Variants in PSMD1 observed in about 807,000 individuals in gnomAD.
The protein encoded by PSMD1 is proteasome 26S subunit, non-ATPase 1.
In PSMD1, 18 loss-of-function variants were observed where a neutral mutation model predicts 119.0. The observed-to-expected ratio is 0.15, with a 90% CI of 0.10 to 0.22. PSMD1 has a LOEUF of 0.22. PSMD1 is among the 10% of genes least tolerant of loss of function. The pLI is 1.00. For missense variants in PSMD1, 702 were observed against 1,158.5 expected (o/e 0.61, Z 5.72); for synonymous variants, 374 against 396.6 (o/e 0.94, Z 0.68).
chr2:231,061,206 T>A, intron 1 of PSMD1, 61 bp from the exon 2 acceptor site: 1 of 1,325,796 alleles, frequency 7.5e-7, no homozygotes, highest in South Asian at 1.3e-5. Context: ...TTTGACCAGG[T>A]GTTAATTTCC....
At chr2:231,079,749 G>A in intron 11 of PSMD1, 135 bp downstream of exon 11, 1 of 561,332 alleles carries the variant, frequency 1.8e-6, no homozygotes, top group Middle Eastern at 4.3e-4. Context: ...TGTGGAGAAG[G>A]CTAAAGTAAA....
chr2:231,116,397 A>G (rs965528353), intron 16 of PSMD1, among the ~76,000 whole-genome samples: 2 of 152,140 alleles, frequency 1.3e-5, no homozygotes, highest in Non-Finnish European at 1.5e-5. Flanking sequence ...GTTATATCTT[A>G]GATTTCCTTC....
chr2:231,099,683 C>G (rs1341046200), intron 16 of PSMD1, among the ~76,000 whole-genome samples: 3 of 152,140 alleles, frequency 2.0e-5, no homozygotes, highest in African/African-American at 7.2e-5. Flanking sequence ...AATTTCCCCA[C>G]TGGAAATGTC....
chr2:231,123,692 G>C (rs761955519), intron 16 of PSMD1: 1 of 1,614,084 alleles, frequency 6.2e-7, no homozygotes, highest in Admixed American at 1.7e-5. Flanking sequence ...GAGATAACGT[G>C]AACAAAGGTG....
rs573276125 is a variant in PSMD1, at chr2:231,106,319, G to C, written c.1883+19138G>C. On this transcript the variant is annotated intron_variant, in intron 16 of 24. Coordinates refer to ENST00000308696, the MANE Select transcript of PSMD1 (RefSeq NM_002807.4). ...TCTCATTAACTATAGAAAGATCTCT[G>C]GGTTAATTGTAAGCAAGAGCTAGAC... 3.9e-5 allele frequency among the ~76,000 whole-genome samples: 6 copies of C among 152,220 alleles called. No individual in the cohort carries two copies. In the South Asian group the frequency reaches 1.2e-3, roughly 32 times the overall value.
rs150858671 is a variant in PSMD1, at chr2:231,070,117, A to T, written c.603A>T (p.Leu201=). The change falls in exon 6 of 25, where the codon CTA becomes CTT. Residue 201 remains leucine, a synonymous_variant. Transcript: ENST00000308696. ...TTCGGAATAAAGTACTAAGAGTTCT[A>T]GTTAAAATCTACATGAACTTGGAGA... ...KQFRNKVLRV[L]VKIYMNLEKP... 2 of 1,575,314 alleles carry T rather than the reference A, an allele frequency of 1.3e-6. No homozygotes were observed. Among genetic ancestry groups the T allele is most frequent in the African/African-American group, 1.4e-5 (1 of 73,160 alleles).
intron 10 of PSMD1, 87 bp from the exon 11 acceptor site, chr2:231,079,449 T>C: frequency 1.2e-6 from 1 of 845,214 alleles, no homozygotes; most frequent in Non-Finnish European, 1.8e-6. Context: ...CAAGGTAAAA[T>C]TTTAATGCTT....
chr2:231,058,742 G>T (rs1297065900), intron 1 of PSMD1, among the ~76,000 whole-genome samples: 1 of 151,786 alleles, frequency 6.6e-6, no homozygotes. Context: ...TGGACTTTTT[G>T]TTCCTTGGAT....
intron 16 of PSMD1, chr2:231,125,174 T>C (rs1214994255): frequency 1.3e-5 from 2 of 152,178 alleles, no homozygotes; most frequent in Non-Finnish European, 2.9e-5. Flanking sequence ...TTTTAGAGAG[T>C]AGCAGCATTC....
At position 231,162,529 on chromosome 2, in the gene PSMD1, A is replaced by G. The variant is rs548286397; in HGVS notation, c.2388+1020A>G. On this transcript the variant is annotated intron_variant, in intron 20 of 24. Coordinates refer to ENST00000308696, the MANE Select transcript of PSMD1 (RefSeq NM_002807.4). ...ACATTGTAATTAAACATCCTGTATAACCTATTTTATTCTCTGCCAAACAAT... is the reference window on the plus strand; with the variant it reads ...ACATTGTAATTAAACATCCTGTATAGCCTATTTTATTCTCTGCCAAACAAT... Among the ~76,000 whole-genome samples the G allele has an allele frequency of 2.6e-5, 4 of 152,236 alleles. No individual in the cohort carries two copies. The East Asian group carries it at 7.7e-4, about 29-fold the overall frequency.
Position 231,078,638 on chromosome 2 carries a change from A to G in PSMD1, c.1072-21A>G, listed in dbSNP as rs745855951. On this transcript the variant is annotated intron_variant, in intron 9 of 24. Transcript: ENST00000308696. ...TGAATACTTTGCCAGTGATGAAACA[A>G]TTCTGTATTTGTTGTTGCAGGATGC... 12 of 1,584,046 alleles carry G rather than the reference A, an allele frequency of 7.6e-6. No individual in the cohort carries two copies. In the East Asian group the frequency reaches 2.3e-4, roughly 30 times the overall value.
chr2:231,086,880 C>T (rs764174828), intron 15 of PSMD1, among the ~76,000 whole-genome samples: 1 of 152,074 alleles, frequency 6.6e-6, no homozygotes, highest in Admixed American at 6.5e-5. Context: ...AAGTTTGAGA[C>T]CAGACTGGGC....
intron 18 of PSMD1, 28 bp from the exon 19 acceptor site, chr2:231,153,535 GA>G (rs2125259898): frequency 2.7e-6 from 4 of 1,454,950 alleles, no homozygotes; most frequent in East Asian, 4.5e-5. Flanking sequence ...AGTAGACTTA[GA>G]CTATAATTCT....
intron 16 of PSMD1, among the ~76,000 whole-genome samples, chr2:231,119,864 C>T (rs1574748185): frequency 2.9e-5 from 3 of 102,132 alleles, no homozygotes; most frequent in African/African-American, 5.3e-5. Flanking sequence ...AACGAGACTC[C>T]GTCTCAAAAA....
At chr2:231,078,588 C>T (rs547255354) in intron 9 of PSMD1, 71 bp from the exon 10 acceptor site, 4 of 1,078,334 alleles carry the variant, frequency 3.7e-6, no homozygotes, top group African/African-American at 3.3e-5. Flanking sequence ...GGACCTCTGA[C>T]TGTGTGTGTG....
At position 231,106,836 on chromosome 2, in the gene PSMD1, G is replaced by A. The variant is rs190433787; in HGVS notation, c.1883+19655G>A. ...GATTGCCTGCCAACTCTGGTGTATA[G>A]ATTTCCTGAAACAATTATGTATGCC... On this transcript the variant is annotated intron_variant, in intron 16 of 24. Transcript: ENST00000308696. Among the ~76,000 whole-genome samples, 55 of 152,214 alleles carry A rather than the reference G, an allele frequency of 3.6e-4. 1 individual carries two copies. The highest frequency in any genetic ancestry group is 3.3e-3 in the Admixed American group (51 of 15,290).
At chr2:231,078,803 T>TTTTTTTTTTTTTTTG in intron 10 of PSMD1, 56 bp downstream of exon 10, 1 of 1,349,042 alleles carries the variant, frequency 7.4e-7, no homozygotes, top group Non-Finnish European at 1.0e-6. Flanking sequence ...TTTTTTTTTT[T>TTTTTTTTTTTTTTTG]TTTTTTTTTT....
chr2:231,112,754 G>A (rs1649947916), intron 16 of PSMD1, among the ~76,000 whole-genome samples: 1 of 152,180 alleles, frequency 6.6e-6, no homozygotes, highest in African/African-American at 2.4e-5. Context: ...ATAGCTTTGA[G>A]TATTATAGAT....
intron 16 of PSMD1, among the ~76,000 whole-genome samples, chr2:231,126,212 A>T (rs1695714963): frequency 6.6e-6 from 1 of 152,194 alleles, no homozygotes; most frequent in African/African-American, 2.4e-5. Context: ...CAGCTTGGGC[A>T]ACATGGCAAA....
Sources: allele counts gnomAD v4.1 joint callset (sites outside exome capture counted in the v4.1 genomes callset), GRCh38; gene constraint gnomAD v4.1.1; transcripts MANE v1.5; gene names NCBI Gene and HGNC (gene_info 2026-07-23, HGNC 2026-07-21).